Variants in XPNPEP2 observed in about 807,000 individuals in gnomAD.
XPNPEP2 encodes the protein X-prolyl aminopeptidase 2, also known as xaa-Pro aminopeptidase 2.
A neutral mutation model predicts 59.8 loss-of-function variants in XPNPEP2; 64 were observed. The ratio of observed to expected loss-of-function variants is 1.07; its 90% CI spans 0.87 to 1.32. The LOEUF (loss-of-function observed/expected upper bound fraction) is 1.32, where lower values mean the gene tolerates loss of function less well. XPNPEP2 is among the 40% of genes most tolerant of loss of function. The pLI is 0.00. For synonymous variants in XPNPEP2, 235 were observed against 210.0 expected (o/e 1.12, Z -1.03); for missense variants, 575 against 546.8 (o/e 1.05, Z -0.51).
intron 1 of XPNPEP2, among the ~76,000 whole-genome samples, chrX:129,739,491 C>T (rs191016135): frequency 0.013 from 1,438 of 111,990 alleles, 8 homozygotes; most frequent in Middle Eastern, 0.037. Flanking sequence ...TTCTGACACT[C>T]GTTAAAACGG....
intron 3 of XPNPEP2, 94 bp downstream of exon 3, chrX:129,744,165 G>A: frequency 1.2e-6 from 1 of 816,635 alleles, no homozygotes; most frequent in South Asian, 2.3e-5. Context: ...TGAAGACAGA[G>A]AAAGGATCTG....
At chrX:129,753,816 G>C (rs1027748938) in intron 11 of XPNPEP2, among the ~76,000 whole-genome samples, 23 of 110,906 alleles carry the variant, frequency 2.1e-4, no homozygotes, top group Non-Finnish European at 1.3e-4. Context: ...GGGTGACCTT[G>C]ACCAAGTCAT....
At chrX:129,747,871 C>A in intron 7 of XPNPEP2, 118 bp downstream of exon 7, 1 of 1,048,135 alleles carries the variant, frequency 9.5e-7, no homozygotes, top group South Asian at 1.9e-5. Context: ...CAAACCTTAG[C>A]ATGCACCTGA....
chrX:129,764,421 C>T lies in XPNPEP2; in HGVS notation c.1740+1651C>T, dbSNP rs1230302093. Among the ~76,000 whole-genome samples, 10 of 109,715 alleles carry T rather than the reference C, an allele frequency of 9.1e-5. No individual in the cohort carries two copies. The East Asian group carries it at 2.6e-3, about 28-fold the overall frequency. On this transcript the variant is annotated intron_variant, in intron 19 of 20. Coordinates refer to ENST00000371106, the MANE Select transcript of XPNPEP2 (RefSeq NM_003399.6). ...CTGTAATCCCAGCACTTTGGAAGGCCGAGGCTGGTGGATCACCTGAGGTCA... is the reference window on the plus strand; with the variant it reads ...CTGTAATCCCAGCACTTTGGAAGGCTGAGGCTGGTGGATCACCTGAGGTCA...
Position 129,768,473 on chromosome X carries a change from C to T in XPNPEP2, c.2013C>T (p.Gly671=). The change falls in exon 21 of 21, where the codon GGC becomes GGT. Residue 671 remains glycine, a synonymous_variant. Coordinates refer to ENST00000371106, the MANE Select transcript of XPNPEP2 (RefSeq NM_003399.6). The part of the protein sequence containing the change: ...VLVVSTLAIL[G]WSV The stretch of plus-strand genomic sequence containing the variant: ...TGGTCTCCACCCTTGCCATCCTTGG[C>T]TGGAGTGTCTAGAGGCTCCAGACTC... 8.5e-7 allele frequency: 1 copy of T among 1,180,578 alleles called. No homozygotes were observed. Among genetic ancestry groups the T allele is most frequent in the Non-Finnish European group, 1.1e-6 (1 of 881,619 alleles).
chrX:129,750,669 C>A (rs181321546), intron 8 of XPNPEP2, 100 bp downstream of exon 8: 89 of 682,743 alleles, frequency 1.3e-4, no homozygotes, highest in Non-Finnish European at 1.8e-4. Context: ...CCCAAATAAC[C>A]ATGTGCCCAC....
In XPNPEP2 at chrX:129,755,360, G is replaced by T; in HGVS notation, c.1284G>T (p.Leu428=). 2.5e-6 allele frequency: 3 copies of T among 1,211,390 alleles called. No homozygotes were observed. Among genetic ancestry groups the T allele is most frequent in the Non-Finnish European group, 3.4e-6 (3 of 895,158 alleles). The change falls in exon 13 of 21, where the codon CTG becomes CTT. Residue 428 remains leucine (L), a synonymous_variant. Coordinates refer to ENST00000371106, the MANE Select transcript of XPNPEP2 (RefSeq NM_003399.6). ...CTGCTAGTGGTCTGAATGCTGCCCT[G>T]GCCCACTACAGGTACTTGAGGAAAA... ...TISASGLNAA[L]AHYSPTKELN...
At chrX:129,754,658 CCTTA>C (rs760993603) in intron 12 of XPNPEP2, 77 bp downstream of exon 12, 15 of 945,824 alleles carry the variant, frequency 1.6e-5, no homozygotes, top group Middle Eastern at 2.7e-4. Context: ...GAATTTGTCC[CCTTA>C]CTTAGCAGAA....
Sources: allele counts gnomAD v4.1 joint callset (sites outside exome capture counted in the v4.1 genomes callset), GRCh38; gene constraint gnomAD v4.1.1; transcripts MANE v1.5; gene names NCBI Gene and HGNC (gene_info 2026-07-23, HGNC 2026-07-21).